Variants in RBMS3 observed in about 807,000 individuals in gnomAD.
RBMS3 encodes RNA binding motif single stranded interacting protein 3.
A neutral mutation model predicts 66.8 loss-of-function variants in RBMS3; 27 were observed. The observed-to-expected ratio is 0.40, with a 90% confidence interval of 0.30 to 0.56. The LOEUF (loss-of-function observed/expected upper bound fraction) is 0.56, where lower values mean the gene tolerates loss of function less well. Ranked by LOEUF, RBMS3 falls within the 20% of genes least tolerant of loss-of-function variation. The pLI is 0.40. For missense variants in RBMS3, 513 were observed against 549.5 expected, an observed-to-expected ratio of 0.93 and a Z score of 0.66; for synonymous variants, 188 against 183.0, an observed-to-expected ratio of 1.03 and a Z score of -0.22.
intron 1 of RBMS3, among the ~76,000 whole-genome samples, chr3:29,416,582 A>C (rs1231279687): frequency 1.3e-5 from 2 of 151,810 alleles, no homozygotes; most frequent in African/African-American, 4.8e-5. Context: ...TTTGGAATTT[A>C]GCTAAGGGTA....
intron 3 of RBMS3, among the ~76,000 whole-genome samples, chr3:29,579,419 A>G (rs1394590688): frequency 6.6e-6 from 1 of 152,142 alleles, no homozygotes; most frequent in African/African-American, 2.4e-5. Flanking sequence ...GTATGGAGGA[A>G]TAGTCTATTG....
At chr3:29,432,281 G>A (rs1198770751) in intron 1 of RBMS3, among the ~76,000 whole-genome samples, 1 of 152,174 alleles carries the variant, frequency 6.6e-6, no homozygotes, top group East Asian at 1.9e-4. Context: ...GAGACTGGCA[G>A]AACAACAGCA....
chr3:29,547,065 T>C (rs2045981898), intron 3 of RBMS3, among the ~76,000 whole-genome samples: 1 of 152,160 alleles, frequency 6.6e-6, no homozygotes, highest in Non-Finnish European at 1.5e-5. Context: ...AACCCAGAAC[T>C]CCTGGGCACA....
intron 13 of RBMS3, among the ~76,000 whole-genome samples, chr3:29,989,948 TTGA>T (rs1363631985): frequency 1.3e-5 from 2 of 152,318 alleles, no homozygotes; most frequent in African/African-American, 2.4e-5. Flanking sequence ...TTTGACCATT[TTGA>T]TGATTATTAT....
intron 6 of RBMS3, among the ~76,000 whole-genome samples, chr3:29,866,725 T>C (rs932553772): frequency 6.6e-6 from 1 of 152,146 alleles, no homozygotes; most frequent in Non-Finnish European, 1.5e-5. Flanking sequence ...ACAGTACTTA[T>C]AACATAAAGA....
intron 1 of RBMS3, among the ~76,000 whole-genome samples, chr3:29,412,170 A>G (rs1274328973): frequency 6.6e-6 from 1 of 152,196 alleles, no homozygotes; most frequent in Non-Finnish European, 1.5e-5. Flanking sequence ...TGAGACCAAA[A>G]ATAAGGAGCT....
At chr3:29,365,917 T>A (rs1038456704) in intron 1 of RBMS3, among the ~76,000 whole-genome samples, 2 of 152,216 alleles carry the variant, frequency 1.3e-5, no homozygotes, top group Admixed American at 1.3e-4. Flanking sequence ...TGTGGCAGGT[T>A]CTCACCAGTT....
intron 1 of RBMS3, among the ~76,000 whole-genome samples, chr3:29,356,141 A>G (rs1031239310): frequency 1.3e-5 from 2 of 152,206 alleles, no homozygotes; most frequent in Non-Finnish European, 2.9e-5. Context: ...TGATAAAAGT[A>G]TAATCAGTGC....
intron 6 of RBMS3, among the ~76,000 whole-genome samples, chr3:29,778,378 GT>G (rs1461048757): frequency 6.7e-6 from 1 of 150,126 alleles, no homozygotes; most frequent in African/African-American, 2.4e-5. Flanking sequence ...AAAAGATATA[GT>G]TAGAGCCAGG....
chr3:29,474,165 C>T (rs1575932306), intron 2 of RBMS3, among the ~76,000 whole-genome samples: 1 of 152,380 alleles, frequency 6.6e-6, no homozygotes, highest in East Asian at 1.9e-4. Context: ...CATTAGTTTA[C>T]ATAAATGCAA....
chr3:29,548,637 C>T (rs2046066040), intron 3 of RBMS3, among the ~76,000 whole-genome samples: 1 of 151,788 alleles, frequency 6.6e-6, no homozygotes, highest in Non-Finnish European at 1.5e-5. Flanking sequence ...GAAAACCAAG[C>T]AGGCTTCTAT....
chr3:29,693,458 CAG>C lies in RBMS3; in HGVS notation c.400-46261_400-46260del, dbSNP rs796213097. Among the ~76,000 whole-genome samples the C allele has an allele frequency of 5.3e-5, 8 of 152,158 alleles. 1 individual carries two copies. Among genetic ancestry groups the C allele is most frequent in the African/African-American group, 1.9e-4 (8 of 41,536 alleles). On this transcript the variant is annotated intron_variant, in intron 4 of 14. Transcript: ENST00000383767. The stretch of plus-strand genomic sequence containing the variant: ...CATGGGCAAATATATATCTTATAAA[CAG>C]GGGGATGGGAAAAGCATGCCAATTT...
In RBMS3 at chr3:29,508,216, T is replaced by C. The variant is rs113699522; in HGVS notation, c.307+19717T>C. On this transcript the variant is annotated intron_variant, in intron 3 of 14. Coordinates refer to ENST00000383767, the MANE Select transcript of RBMS3 (RefSeq NM_001003793.3). ...CCCATATCTCCTTCTTTTTTAATTA[T>C]TATACTTTAAGTTCTGGGGTACATG... Among the ~76,000 whole-genome samples the C allele has an allele frequency of 1.0e-2, 1,518 of 152,292 alleles. 23 individuals carry two copies. The highest frequency in any genetic ancestry group is 0.034 in the African/African-American group (1,399 of 41,554).
intron 12 of RBMS3, among the ~76,000 whole-genome samples, chr3:29,973,582 G>A (rs1301566662): frequency 6.6e-6 from 1 of 151,838 alleles, no homozygotes; most frequent in Non-Finnish European, 1.5e-5. Flanking sequence ...GGATTTAAAC[G>A]TTTCTGACTG....
chr3:29,476,929 C>T (rs545634455), intron 2 of RBMS3, among the ~76,000 whole-genome samples: 1 of 152,212 alleles, frequency 6.6e-6, no homozygotes, highest in East Asian at 1.9e-4. Context: ...CATCTCAAAA[C>T]TGTCATTCTT....
At chr3:29,981,422 T>C (rs952149472) in intron 12 of RBMS3, among the ~76,000 whole-genome samples, 6 of 152,174 alleles carry the variant, frequency 3.9e-5, no homozygotes, top group African/African-American at 1.4e-4. Flanking sequence ...GCCATTTATT[T>C]CTTTCTCTTG....
chr3:29,899,608 A>C, intron 9 of RBMS3, 97 bp from the exon 10 acceptor site: 1 of 995,226 alleles, frequency 1.0e-6, no homozygotes, highest in Non-Finnish European at 1.5e-6. Context: ...AGTCAGGTGG[A>C]CTCCACTTTC....
At chr3:29,315,508 ATAAT>A (rs2034619918) in intron 1 of RBMS3, among the ~76,000 whole-genome samples, 2 of 151,788 alleles carry the variant, frequency 1.3e-5, no homozygotes, top group Non-Finnish European at 2.9e-5. Context: ...ATACAAAAAT[ATAAT>A]TTCCAAGAAA....
intron 6 of RBMS3, among the ~76,000 whole-genome samples, chr3:29,864,688 G>A (rs187274264): frequency 4.6e-5 from 7 of 152,146 alleles, no homozygotes; most frequent in Admixed American, 1.3e-4. Context: ...GCAGCAAACA[G>A]ATTCAGTATT....
Sources: allele counts gnomAD v4.1 joint callset (sites outside exome capture counted in the v4.1 genomes callset), GRCh38; gene constraint gnomAD v4.1.1; transcripts MANE v1.5; gene names NCBI Gene and HGNC (gene_info 2026-07-23, HGNC 2026-07-21).